RHOA: variants seen among roughly 807,000 people sequenced by gnomAD.
The protein encoded by RHOA is transforming protein RhoA.
RHOA carries 3 observed loss-of-function variants against 17.5 expected under a neutral mutation model. The observed-to-expected ratio is 0.17, with a 90% CI of 0.08 to 0.44. The LOEUF (loss-of-function observed/expected upper bound fraction) is 0.44, where lower values mean the gene tolerates loss of function less well. RHOA is among the 20% of genes least tolerant of loss of function. The pLI, the probability that RHOA is intolerant of heterozygous loss-of-function variation, is 0.99. For synonymous variants in RHOA, 98 were observed against 88.4 expected, an observed-to-expected ratio of 1.11 and a Z score of -0.61; for missense variants, 56 against 242.3, an observed-to-expected ratio of 0.23 and a Z score of 5.10.
intron 1 of RHOA, among the ~76,000 whole-genome samples, chr3:49,397,209 C>T (rs890571145): frequency 3.3e-5 from 5 of 150,828 alleles, no homozygotes; most frequent in African/African-American, 9.7e-5. Flanking sequence ...ATGAAAGAAG[C>T]CAGTCACAAA....
chr3:49,373,723 G>T (rs1340013119), intron 2 of RHOA, among the ~76,000 whole-genome samples: 1 of 151,928 alleles, frequency 6.6e-6, no homozygotes, highest in Non-Finnish European at 1.5e-5. Flanking sequence ...AGGATCACTT[G>T]AGCCCAAGAG....
At chr3:49,386,337 T>C (rs1428623766) in intron 1 of RHOA, among the ~76,000 whole-genome samples, 1 of 152,186 alleles carries the variant, frequency 6.6e-6, no homozygotes, top group Non-Finnish European at 1.5e-5. Flanking sequence ...CTCCCACCAC[T>C]ACTTTGTAGA....
chr3:49,392,018 G>A, intron 1 of RHOA, among the ~76,000 whole-genome samples: 1 of 151,568 alleles, frequency 6.6e-6, no homozygotes, highest in East Asian at 1.9e-4. Flanking sequence ...AGTAGAGACA[G>A]GGTTTTGCCT....
At chr3:49,399,009 T>C (rs1436240153) in intron 1 of RHOA, among the ~76,000 whole-genome samples, 3 of 133,480 alleles carry the variant, frequency 2.2e-5, no homozygotes, top group Non-Finnish European at 4.6e-5. Context: ...TAGCTGAGAC[T>C]GTGCCACTGC....
chr3:49,378,129 A>G (rs1252610356), intron 1 of RHOA, among the ~76,000 whole-genome samples: 2 of 147,580 alleles, frequency 1.4e-5, no homozygotes, highest in East Asian at 4.1e-4. Flanking sequence ...AGCCTGGGCA[A>G]CAGAGCACTC....
intron 3 of RHOA, among the ~76,000 whole-genome samples, chr3:49,368,067 G>T (rs2048088013): frequency 6.6e-6 from 1 of 151,728 alleles, no homozygotes; most frequent in East Asian, 1.9e-4. Flanking sequence ...GCACCACCAT[G>T]CCTGGCTAAT....
At chr3:49,404,831 T>G (rs2048796679) in intron 1 of RHOA, among the ~76,000 whole-genome samples, 1 of 148,192 alleles carries the variant, frequency 6.7e-6, no homozygotes, top group South Asian at 2.1e-4. Flanking sequence ...CCAGTTTACC[T>G]GGGAGGCTAA....
intron 1 of RHOA, among the ~76,000 whole-genome samples, chr3:49,409,427 A>G (rs1190735685): frequency 1.3e-5 from 2 of 152,062 alleles, no homozygotes; most frequent in African/African-American, 2.4e-5. Flanking sequence ...CTACAACTAT[A>G]TGGCCAATTT....
At chr3:49,391,461 A>T (rs1024558658) in intron 1 of RHOA, among the ~76,000 whole-genome samples, 1 of 152,116 alleles carries the variant, frequency 6.6e-6, no homozygotes, top group Non-Finnish European at 1.5e-5. Context: ...TGAACACAAC[A>T]GACAAAAAGT....
At chr3:49,361,622 T>C (rs1243142017) in intron 4 of RHOA, among the ~76,000 whole-genome samples, 1 of 152,190 alleles carries the variant, frequency 6.6e-6, no homozygotes, top group East Asian at 1.9e-4. Flanking sequence ...GGCTCACACC[T>C]GTAATCCCAG....
At chr3:49,404,064 CTG>C (rs2048771474) in intron 1 of RHOA, among the ~76,000 whole-genome samples, 1 of 114,606 alleles carries the variant, frequency 8.7e-6, no homozygotes, top group African/African-American at 2.9e-5. Context: ...CTTTGGGAGT[CTG>C]AGGTGGGAGG....
At chr3:49,368,316 G>A (rs1559497628) in intron 3 of RHOA, 112 bp downstream of exon 3, 22 of 1,358,210 alleles carry the variant, frequency 1.6e-5, no homozygotes, top group Middle Eastern at 2.6e-4. Context: ...GGCCACTGAC[G>A]ATGATTGCTT....
At chr3:49,367,808 C>T (rs1324365363) in intron 3 of RHOA, among the ~76,000 whole-genome samples, 10 of 151,882 alleles carry the variant, frequency 6.6e-5, no homozygotes, top group Non-Finnish European at 1.3e-4. Flanking sequence ...AGGTGTCAGC[C>T]GCCGCACCAG....
At chr3:49,382,957 G>T (rs1481786431) in intron 1 of RHOA, among the ~76,000 whole-genome samples, 1 of 151,886 alleles carries the variant, frequency 6.6e-6, no homozygotes, top group Non-Finnish European at 1.5e-5. Context: ...GAGATGCTGA[G>T]GCAGGAGAAT....
At chr3:49,393,289 T>A (rs1293647066) in intron 1 of RHOA, among the ~76,000 whole-genome samples, 2 of 152,058 alleles carry the variant, frequency 1.3e-5, no homozygotes, top group Non-Finnish European at 2.9e-5. Context: ...ATCTTCTCCT[T>A]GCCAGGCCCA....
At chr3:49,404,687 G>C (rs537739921) in intron 1 of RHOA, among the ~76,000 whole-genome samples, 22 of 149,408 alleles carry the variant, frequency 1.5e-4, no homozygotes, top group Non-Finnish European at 2.8e-4. Context: ...CTAGCACTTT[G>C]GGAGGCCAAG....
chr3:49,368,413 T>C lies in RHOA; in HGVS notation c.277+15A>G. On this transcript the variant is annotated intron_variant, in intron 3 of 4. Transcript: ENST00000418115. ...ACACAGGCAGTGACAAATATCAGGG[T>C]GCAGGGCCACTCACCTAAACTATCA... 2 of 1,612,286 alleles carry C rather than the reference T, an allele frequency of 1.2e-6. No individual in the cohort carries two copies. Among genetic ancestry groups the C allele is most frequent in the Non-Finnish European group, 1.7e-6 (2 of 1,178,744 alleles).
At chr3:49,383,092 G>A (rs1228679944) in intron 1 of RHOA, among the ~76,000 whole-genome samples, 1 of 151,524 alleles carries the variant, frequency 6.6e-6, no homozygotes, top group Non-Finnish European at 1.5e-5. Context: ...AGAAAAGGCT[G>A]CCACCTTTGC....
intron 2 of RHOA, among the ~76,000 whole-genome samples, chr3:49,371,780 A>G (rs1033443351): frequency 6.6e-6 from 1 of 152,182 alleles, no homozygotes; most frequent in Admixed American, 6.6e-5. Context: ...GCAGCACAAG[A>G]AAAATACTCA....
Sources: gnomAD v4.1 joint callset for allele counts (sites outside exome capture counted in the v4.1 genomes callset) on GRCh38, gnomAD v4.1.1 for gene constraint, MANE v1.5 for transcripts, NCBI Gene and HGNC (gene_info 2026-07-23, HGNC 2026-07-21) for gene names.